Variants in TLN2 observed in about 807,000 individuals in gnomAD.
TLN2 encodes the protein talin 2, also known as talin-2.
Under a neutral mutation model 294.7 loss-of-function variants are expected in TLN2, and 118 were observed. That is an observed-to-expected ratio of 0.40 (90% CI 0.34 to 0.47). TLN2 has a LOEUF of 0.47. TLN2 is among the 20% of genes least tolerant of loss of function. TLN2 has a pLI of 0.84. For synonymous variants in TLN2, 1,431 were observed against 1,304.5 expected, an observed-to-expected ratio of 1.10 and a Z score of -2.09; for missense variants, 3,083 against 3,282.2, an observed-to-expected ratio of 0.94 and a Z score of 1.48.
intron 26 of TLN2, among the ~76,000 whole-genome samples, chr15:62,723,530 T>C (rs978379572): frequency 2.2e-5 from 3 of 139,120 alleles, no homozygotes; most frequent in Non-Finnish European, 4.5e-5. Flanking sequence ...GAAGACACAC[T>C]GTGAAAACTT....
chr15:62,836,823 T>C (rs1479792536), intron 57 of TLN2, among the ~76,000 whole-genome samples: 1 of 152,244 alleles, frequency 6.6e-6, no homozygotes, highest in African/African-American at 2.4e-5. Context: ...ACATATAAAA[T>C]AATTTTGTCC....
chr15:62,479,953 A>G (rs1489616911), intron 1 of TLN2, among the ~76,000 whole-genome samples: 2 of 152,254 alleles, frequency 1.3e-5, no homozygotes, highest in African/African-American at 2.4e-5. Context: ...CTGAAGAGTT[A>G]CTAATAGGCA....
In TLN2 at chr15:62,455,222, G is replaced by T. The variant is rs118085903; in HGVS notation, c.-238+64537G>T. Among the ~76,000 whole-genome samples the T allele has an allele frequency of 2.0e-4, 31 of 152,236 alleles. No homozygotes were observed. In the East Asian group the frequency reaches 4.3e-3, roughly 21 times the overall value. ...TGAGTCCCCGACTCTTCCTGCAGGA[G>T]TGTGTAGGTCAGCAATATTGCAGTT... On this transcript the variant is annotated intron_variant, in intron 1 of 58. Coordinates refer to ENST00000636159, the MANE Select transcript of TLN2 (RefSeq NM_015059.3).
intron 20 of TLN2, among the ~76,000 whole-genome samples, chr15:62,707,881 G>A (rs922994459): frequency 6.6e-6 from 1 of 152,026 alleles, no homozygotes; most frequent in South Asian, 2.1e-4. Flanking sequence ...GTGTCCTCTC[G>A]GTGATGATGC....
chr15:62,527,379 G>A (rs929044186), intron 1 of TLN2, among the ~76,000 whole-genome samples: 1 of 152,164 alleles, frequency 6.6e-6, no homozygotes, highest in African/African-American at 2.4e-5. Context: ...TCTGCATCAG[G>A]AAACCGTTAG....
rs756000797 is a variant in TLN2 at position 62,792,644 on chromosome 15, G to A, written c.5740G>A (p.Gly1914Arg). 36 of 1,613,054 alleles carry A rather than the reference G, an allele frequency of 2.2e-5. No homozygotes were observed. The highest frequency in any genetic ancestry group is 3.4e-4 in the Middle Eastern group (2 of 5,852). ...AAATAEPEEIGFQIRTRVQDL... is the reference protein window; with the variant it reads ...AAATAEPEEIRFQIRTRVQDL... ...CATCCTGGGCTTGCCTCTGCAGATC[G>A]GATTCCAGATTCGCACTCGTGTGCA... The change falls in exon 46 of 59, where the codon GGA becomes AGA. Residue 1914 changes from glycine to arginine, a missense_variant. By Grantham distance (125) the Gly-to-Arg change is moderately radical. Coordinates refer to ENST00000636159, the MANE Select transcript of TLN2 (RefSeq NM_015059.3).
intron 23 of TLN2, 36 bp from the exon 24 acceptor site, chr15:62,717,540 T>C: frequency 7.0e-7 from 1 of 1,424,180 alleles, no homozygotes; most frequent in Non-Finnish European, 9.4e-7. Flanking sequence ...GTATATTGCA[T>C]ATGCAGATCC....
chr15:62,458,495 T>C (rs1296601791), intron 1 of TLN2, among the ~76,000 whole-genome samples: 1 of 151,206 alleles, frequency 6.6e-6, no homozygotes, highest in African/African-American at 2.4e-5. Flanking sequence ...ATTCCTGGAG[T>C]GTCTCACAAA....
intron 1 of TLN2, among the ~76,000 whole-genome samples, chr15:62,491,539 A>G (rs556128680): frequency 6.6e-6 from 1 of 152,098 alleles, no homozygotes; most frequent in Non-Finnish European, 1.5e-5. Flanking sequence ...GGGCAATCAG[A>G]TATGCTCTTA....
At chr15:62,624,675 C>T (rs2049123151) in intron 3 of TLN2, among the ~76,000 whole-genome samples, 1 of 152,214 alleles carries the variant, frequency 6.6e-6, no homozygotes. Context: ...CACTGGAGTG[C>T]TGAGTTAATT....
At chr15:62,724,844 C>A in intron 26 of TLN2, 132 bp from the exon 27 acceptor site, 1 of 1,185,344 alleles carries the variant, frequency 8.4e-7, no homozygotes, top group Non-Finnish European at 1.1e-6. Context: ...AAAATACTTG[C>A]TTTCCTTGCT....
chr15:62,404,300 G>T (rs1481094788), intron 1 of TLN2, among the ~76,000 whole-genome samples: 1 of 152,200 alleles, frequency 6.6e-6, no homozygotes, highest in Non-Finnish European at 1.5e-5. Flanking sequence ...TCTGAAGGGG[G>T]TACTTAAGCA....
chr15:62,631,490 TCTTTC>T (rs2049820780), intron 3 of TLN2, among the ~76,000 whole-genome samples: 1 of 151,492 alleles, frequency 6.6e-6, no homozygotes, highest in Non-Finnish European at 1.5e-5. Context: ...TTTCTTTCTT[TCTTTC>T]TTCCTCTTTT....
intron 3 of TLN2, among the ~76,000 whole-genome samples, chr15:62,621,869 A>G (rs999848815): frequency 2.0e-5 from 3 of 152,234 alleles, no homozygotes; most frequent in Non-Finnish European, 2.9e-5. Context: ...ATTGCTAGCT[A>G]ATTCTACCAA....
At chr15:62,782,874 T>C (rs1425491482) in intron 44 of TLN2, among the ~76,000 whole-genome samples, 1 of 152,196 alleles carries the variant, frequency 6.6e-6, no homozygotes, top group African/African-American at 2.4e-5. Context: ...GACAGTATTG[T>C]TATCCAGAGC....
At chr15:62,496,720 C>T (rs780614596) in intron 1 of TLN2, among the ~76,000 whole-genome samples, 9 of 152,208 alleles carry the variant, frequency 5.9e-5, no homozygotes, top group Non-Finnish European at 8.8e-5. Context: ...CTCCTAAGAA[C>T]TGGGCCAACA....
chr15:62,436,750 G>T (rs1385279772), intron 1 of TLN2, among the ~76,000 whole-genome samples: 4 of 152,144 alleles, frequency 2.6e-5, no homozygotes, highest in African/African-American at 7.2e-5. Context: ...TAGAGGCAGG[G>T]TCTCACTCTG....
intron 1 of TLN2, among the ~76,000 whole-genome samples, chr15:62,577,408 C>T (rs1341771552): frequency 6.6e-6 from 1 of 152,212 alleles, no homozygotes; most frequent in Non-Finnish European, 1.5e-5. Context: ...CGCGTCATTG[C>T]ACTCCAGCCT....
chr15:62,461,685 T>C (rs1196308269), intron 1 of TLN2, among the ~76,000 whole-genome samples: 1 of 152,180 alleles, frequency 6.6e-6, no homozygotes, highest in South Asian at 2.1e-4. Context: ...GCAGTTGTTT[T>C]GGATGGTCTC....
Sources: allele counts gnomAD v4.1 joint callset (sites outside exome capture counted in the v4.1 genomes callset), GRCh38; gene constraint gnomAD v4.1.1; transcripts MANE v1.5; gene names NCBI Gene and HGNC (gene_info 2026-07-23, HGNC 2026-07-21).